Variants in RGS7 observed in about 807,000 individuals in gnomAD.
The protein encoded by RGS7 is regulator of G-protein signaling 7.
RGS7 carries 27 observed loss-of-function variants against 81.1 expected under a neutral mutation model. The ratio of observed to expected loss-of-function variants is 0.33; its 90% confidence interval spans 0.25 to 0.46. RGS7 has a LOEUF of 0.46. Ranked by LOEUF, RGS7 falls within the 20% of genes least tolerant of loss-of-function variation. The pLI is 1.00. For missense variants in RGS7, 396 were observed against 607.4 expected (o/e 0.65, Z 3.66); for synonymous variants, 208 against 207.7 (o/e 1.00, Z -0.01).
intron 2 of RGS7, among the ~76,000 whole-genome samples, chr1:241,166,435 T>G (rs1004928007): frequency 6.6e-6 from 1 of 152,124 alleles, no homozygotes; most frequent in Non-Finnish European, 1.5e-5. Context: ...AGCGAAAGGA[T>G]GACCCTGACG....
intron 2 of RGS7, among the ~76,000 whole-genome samples, chr1:241,170,326 T>C (rs2070637069): frequency 6.6e-6 from 1 of 152,188 alleles, no homozygotes; most frequent in Admixed American, 6.5e-5. Flanking sequence ...GTCAAATGTA[T>C]GATAACTCTT....
chr1:240,805,204 C>A lies in RGS7; in HGVS notation c.1269+936G>T, dbSNP rs566762097. ...AGCCTGGGCAACATAGGGAGACCCA[C>A]CCTGTCTCTACAAAAAAAAATAAAA... On this transcript the variant is annotated intron_variant, in intron 15 of 18. Transcript: ENST00000440928. Among the ~76,000 whole-genome samples the A allele has an allele frequency of 4.2e-3, 592 of 142,428 alleles. 1 individual carries two copies. Among genetic ancestry groups the A allele is most frequent in the Non-Finnish European group, 7.4e-3 (470 of 63,830 alleles). The allele number at this position is 142,428 out of a possible 152,430, so 93.4% of individuals were successfully genotyped here. A position where few individuals can be genotyped will look rare whatever the true frequency, so the allele number is the denominator to read the frequency against.
intron 3 of RGS7, among the ~76,000 whole-genome samples, chr1:240,987,016 A>C (rs1685770900): frequency 6.6e-6 from 1 of 152,222 alleles, no homozygotes; most frequent in African/African-American, 2.4e-5. Context: ...GGCCTGGACC[A>C]GGCTCTGTCC....
At chr1:241,098,518 A>G (rs756274816) in intron 3 of RGS7, 148 bp downstream of exon 3, 2 of 682,750 alleles carry the variant, frequency 2.9e-6, no homozygotes, top group Non-Finnish European at 5.3e-6. Context: ...CAAGTGTTTC[A>G]CATGATAAAT....
chr1:241,293,584 A>T (rs1025525873), intron 2 of RGS7, among the ~76,000 whole-genome samples: 1 of 152,228 alleles, frequency 6.6e-6, no homozygotes, highest in Non-Finnish European at 1.5e-5. Flanking sequence ...TAATAAAAAA[A>T]GTTTTTAAAG....
chr1:241,244,790 G>A (rs1291974741), intron 2 of RGS7, among the ~76,000 whole-genome samples: 1 of 152,004 alleles, frequency 6.6e-6, no homozygotes, highest in African/African-American at 2.4e-5. Context: ...AAAATGATGA[G>A]TTCATGTCCT....
intron 2 of RGS7, among the ~76,000 whole-genome samples, chr1:241,309,834 A>G (rs73123965): frequency 0.025 from 3,765 of 152,352 alleles, 89 homozygotes; most frequent in African/African-American, 0.053. Flanking sequence ...ACAGCATTGC[A>G]CTTAACACAC....
intron 4 of RGS7, among the ~76,000 whole-genome samples, chr1:240,961,259 C>T (rs949206159): frequency 3.9e-5 from 6 of 152,024 alleles, no homozygotes; most frequent in African/African-American, 4.8e-5. Flanking sequence ...GGTAGAAAAA[C>T]ATACTATAAC....
At chr1:241,225,106 T>C (rs1047711009) in intron 2 of RGS7, among the ~76,000 whole-genome samples, 1 of 152,186 alleles carries the variant, frequency 6.6e-6, no homozygotes, top group African/African-American at 2.4e-5. Context: ...TCCCAAATAG[T>C]GGACATTGTA....
chr1:241,217,899 C>T (rs1308122929), intron 2 of RGS7, among the ~76,000 whole-genome samples: 1 of 152,184 alleles, frequency 6.6e-6, no homozygotes, highest in African/African-American at 2.4e-5. Context: ...TCAATTTTTG[C>T]AAGTTCCAAA....
At chr1:241,220,950 C>CAAGGAAGGAAGG (rs751386119) in intron 2 of RGS7, among the ~76,000 whole-genome samples, 4 of 54,322 alleles carry the variant, frequency 7.4e-5, no homozygotes, top group African/African-American at 1.4e-4. Flanking sequence ...AAGGAAGAAG[C>CAAGGAAGGAAGG]AAGGAAGGAA....
At position 240,811,999 on chromosome 1, in the gene RGS7, A is replaced by G. The variant is rs1285975331; in HGVS notation, c.1001T>C (p.Met334Thr). 1 of 1,614,064 alleles carries G rather than the reference A, an allele frequency of 6.2e-7. No homozygotes were observed. The highest frequency in any genetic ancestry group is 8.5e-7 in the Non-Finnish European group (1 of 1,180,016). Residue 334 changes from methionine (M) to threonine (T), a missense_variant, in exon 14 of 19, where the codon ATG becomes ACG. By Grantham distance (81) the Met-to-Thr change is moderately conservative. Transcript: ENST00000440928. ...QQRVKRWGFG[M>T]DEALKDPVGR... ...AACTGGGTCTTTCAATGCCTCGTCC[A>G]TGCCAAAACCCCATCGTTTTACCCT...
chr1:241,180,368 CCA>C, intron 2 of RGS7, among the ~76,000 whole-genome samples: 1 of 151,690 alleles, frequency 6.6e-6, no homozygotes, highest in Admixed American at 6.6e-5. Context: ...GAGCGAGACT[CCA>C]TCTCAAAAAA....
intron 3 of RGS7, among the ~76,000 whole-genome samples, chr1:241,051,417 G>T (rs1296404097): frequency 6.6e-6 from 1 of 151,960 alleles, no homozygotes; most frequent in Non-Finnish European, 1.5e-5. Flanking sequence ...ATTACACTCT[G>T]TAGTTACCTT....
At chr1:240,932,512 A>ATTT (rs1388590625) in intron 5 of RGS7, among the ~76,000 whole-genome samples, 1 of 16,096 alleles carries the variant, frequency 6.2e-5, no homozygotes, top group Non-Finnish European at 1.1e-4. Flanking sequence ...GTAGGGTGTC[A>ATTT]CTTTTTTTTT....
intron 2 of RGS7, among the ~76,000 whole-genome samples, chr1:241,189,993 C>G (rs959203871): frequency 3.9e-5 from 6 of 152,078 alleles, no homozygotes; most frequent in Non-Finnish European, 8.8e-5. Context: ...GTCCCAGCTA[C>G]TCGGGAGGCT....
chr1:241,150,494 G>T (rs1162368716), intron 2 of RGS7, among the ~76,000 whole-genome samples: 1 of 152,168 alleles, frequency 6.6e-6, no homozygotes, highest in Non-Finnish European at 1.5e-5. Flanking sequence ...TATATTAAGG[G>T]TTCAAAATGG....
chr1:240,824,797 G>A (rs1362125857), intron 10 of RGS7, among the ~76,000 whole-genome samples: 1 of 152,222 alleles, frequency 6.6e-6, no homozygotes, highest in Non-Finnish European at 1.5e-5. Context: ...GTGGGTTATA[G>A]GGTGGGAACT....
chr1:241,096,731 A>C (rs1434745083), intron 3 of RGS7, among the ~76,000 whole-genome samples: 1 of 152,238 alleles, frequency 6.6e-6, no homozygotes, highest in Non-Finnish European at 1.5e-5. Flanking sequence ...TATCTGAAGA[A>C]CTCAATCAAA....
Sources: allele counts gnomAD v4.1 joint callset (sites outside exome capture counted in the v4.1 genomes callset), GRCh38; gene constraint gnomAD v4.1.1; transcripts MANE v1.5; gene names NCBI Gene and HGNC (gene_info 2026-07-23, HGNC 2026-07-21).